SCAPER: variants seen among roughly 807,000 people sequenced by gnomAD.
SCAPER encodes the protein S phase cyclin A-associated protein in the endoplasmic reticulum.
Under a neutral mutation model 182.2 loss-of-function variants are expected in SCAPER, and 98 were observed. The ratio of observed to expected loss-of-function variants is 0.54; its 90% CI spans 0.46 to 0.64. The LOEUF (loss-of-function observed/expected upper bound fraction) is 0.64. SCAPER is among the 30% of genes least tolerant of loss of function. The pLI is 0.00. For synonymous variants in SCAPER, 605 were observed against 564.6 expected, an observed-to-expected ratio of 1.07 and a Z score of -1.01; for missense variants, 1,432 against 1,690.0, an observed-to-expected ratio of 0.85 and a Z score of 2.68.
At chr15:76,513,740 A>G (rs1383284087) in intron 23 of SCAPER, among the ~76,000 whole-genome samples, 2 of 152,134 alleles carry the variant, frequency 1.3e-5, no homozygotes, top group Admixed American at 6.5e-5. Context: ...ACTTGTCCCT[A>G]TCCCTCTTAG....
chr15:76,695,044 T>C (rs931973648), intron 20 of SCAPER, among the ~76,000 whole-genome samples: 12 of 152,144 alleles, frequency 7.9e-5, no homozygotes, highest in African/African-American at 2.4e-4. Context: ...AAGATATTTA[T>C]AAAAACCTAT....
chr15:76,722,347 T>G (rs1474639234), intron 17 of SCAPER, among the ~76,000 whole-genome samples: 4 of 152,226 alleles, frequency 2.6e-5, no homozygotes, highest in African/African-American at 9.6e-5. Flanking sequence ...TATTGAGGAT[T>G]TTTGCATCAA....
At chr15:76,523,454 A>G (rs948507297) in intron 23 of SCAPER, among the ~76,000 whole-genome samples, 17 of 152,100 alleles carry the variant, frequency 1.1e-4, no homozygotes, top group Admixed American at 3.3e-4. Flanking sequence ...ACCGACTAAT[A>G]ATCAACAAAG....
At chr15:76,665,028 A>G (rs1466909203) in intron 21 of SCAPER, among the ~76,000 whole-genome samples, 1 of 152,160 alleles carries the variant, frequency 6.6e-6, no homozygotes, top group Non-Finnish European at 1.5e-5. Context: ...TTGAATAGCA[A>G]AGGATTATCT....
chr15:76,767,115 A>G, intron 10 of SCAPER, 27 bp from the exon 11 acceptor site: 1 of 1,531,498 alleles, frequency 6.5e-7, no homozygotes, highest in African/African-American at 1.4e-5. Context: ...ACATAAACAA[A>G]AAGAAAAATG....
chr15:76,626,364 G>T (rs1175853533), intron 21 of SCAPER, among the ~76,000 whole-genome samples: 1 of 152,144 alleles, frequency 6.6e-6, no homozygotes, highest in African/African-American at 2.4e-5. Flanking sequence ...TATACATAAT[G>T]AGAATATTCA....
chr15:76,685,222 G>A (rs142557312), intron 20 of SCAPER, among the ~76,000 whole-genome samples: 59 of 151,968 alleles, frequency 3.9e-4, no homozygotes, highest in African/African-American at 1.4e-3. Context: ...CGTTTTAAGT[G>A]AGAAAACTTT....
intron 26 of SCAPER, among the ~76,000 whole-genome samples, chr15:76,425,989 G>A (rs2046397681): frequency 6.6e-6 from 1 of 152,222 alleles, no homozygotes; most frequent in Non-Finnish European, 1.5e-5. Flanking sequence ...GTCTCAGAGA[G>A]GTACCCGGCT....
chr15:76,840,114 T>A (rs1327982109), intron 5 of SCAPER, among the ~76,000 whole-genome samples: 1 of 152,090 alleles, frequency 6.6e-6, no homozygotes, highest in Non-Finnish European at 1.5e-5. Flanking sequence ...CTTAAAAATG[T>A]TTTTCTTTAA....
At chr15:76,792,004 G>C (rs2065033775) in intron 8 of SCAPER, among the ~76,000 whole-genome samples, 1 of 148,388 alleles carries the variant, frequency 6.7e-6, no homozygotes, top group South Asian at 2.2e-4. Flanking sequence ...GGACTTGGGT[G>C]ATCTGCTTGT....
chr15:76,652,243 G>C (rs1181776930), intron 21 of SCAPER, among the ~76,000 whole-genome samples: 86 of 62,090 alleles, frequency 1.4e-3, no homozygotes, highest in Middle Eastern at 0.029. Flanking sequence ...CATGGCGAAC[G>C]CTGTGTCTCT....
At chr15:76,681,233 A>G (rs1454300925) in intron 20 of SCAPER, among the ~76,000 whole-genome samples, 1 of 152,196 alleles carries the variant, frequency 6.6e-6, no homozygotes, top group Non-Finnish European at 1.5e-5. Flanking sequence ...CTATAAACAA[A>G]AGGAGAACTT....
intron 4 of SCAPER, among the ~76,000 whole-genome samples, chr15:76,855,633 G>A (rs535301468): frequency 2.0e-5 from 3 of 152,104 alleles, no homozygotes; most frequent in South Asian, 4.2e-4. Context: ...CTATTCTAAA[G>A]AAGTCATACA....
At chr15:76,378,480 ATAG>A (rs1176147683) in intron 28 of SCAPER, among the ~76,000 whole-genome samples, 6 of 152,248 alleles carry the variant, frequency 3.9e-5, no homozygotes, top group African/African-American at 9.6e-5. Flanking sequence ...TATCACAAAA[ATAG>A]TAGTTTTCTG....
chr15:76,470,547 C>T lies in SCAPER; in HGVS notation c.3078+665G>A, dbSNP rs193297954. ...AAAAATAAATCTCTTGTGTTATAAA[C>T]TTGCAGCTTGAGAGCTATTTTGTGC... On this transcript the variant is annotated intron_variant, in intron 25 of 31. Transcript: ENST00000563290. 3.3e-5 allele frequency among the ~76,000 whole-genome samples: 5 copies of T among 152,266 alleles called. 1 individual carries two copies. Among genetic ancestry groups the T allele is most frequent in the Admixed American group, 3.3e-4 (5 of 15,290 alleles).
intron 24 of SCAPER, among the ~76,000 whole-genome samples, chr15:76,492,463 T>C (rs1247752375): frequency 6.6e-6 from 1 of 152,216 alleles, no homozygotes; most frequent in Non-Finnish European, 1.5e-5. Flanking sequence ...GTTATGCTCA[T>C]TGGGTCTGTT....
Position 76,348,755 on chromosome 15 carries a change from A to C in SCAPER, c.4100-19T>G. The C allele has an allele frequency of 7.0e-7, 1 of 1,419,366 alleles. No individual in the cohort carries two copies. Among genetic ancestry groups the C allele is most frequent in the Non-Finnish European group, 9.5e-7 (1 of 1,055,962 alleles). 87.9% of individuals were successfully genotyped at this position (1,419,366 alleles called of 1,614,324 possible). A position where few individuals can be genotyped will look rare whatever the true frequency, so the allele number is the denominator to read the frequency against. On this transcript the variant is annotated intron_variant, in intron 31 of 31. Coordinates refer to ENST00000563290, the MANE Select transcript of SCAPER (RefSeq NM_020843.4). ...CATTTCCCTGAGAGGGGGATAAAAG[A>C]GAAAAAAGTTAAATAAAAGAGGGTT...
chr15:76,770,173 G>A (rs1447799572), intron 10 of SCAPER, among the ~76,000 whole-genome samples: 1 of 149,042 alleles, frequency 6.7e-6, no homozygotes, highest in Non-Finnish European at 1.5e-5. Context: ...ATGGACACAG[G>A]GCGGGGAACA....
chr15:76,665,471 T>G (rs557124957), intron 21 of SCAPER, among the ~76,000 whole-genome samples, 182 bp downstream of exon 21: 4 of 152,278 alleles, frequency 2.6e-5, no homozygotes, highest in Admixed American at 2.6e-4. Flanking sequence ...AGCAAGGGCT[T>G]TAGATCGATA....
Sources: allele counts gnomAD v4.1 joint callset (sites outside exome capture counted in the v4.1 genomes callset), GRCh38; gene constraint gnomAD v4.1.1; transcripts MANE v1.5; gene names NCBI Gene and HGNC (gene_info 2026-07-23, HGNC 2026-07-21).